The following PLAC9 variants were observed in gnomAD, a reference collection of about 807,000 sequenced individuals.
The protein encoded by PLAC9 is placenta-specific protein 9.
PLAC9 carries 12 observed loss-of-function variants against 11.5 expected under a neutral mutation model. The observed-to-expected ratio is 1.05, with a 90% CI of 0.67 to 1.69. The LOEUF (loss-of-function observed/expected upper bound fraction) is 1.69, where lower values mean the gene tolerates loss of function less well. Among genes scored for constraint, PLAC9 ranks in the 40% most tolerant of loss-of-function variants. The pLI, the probability that PLAC9 is intolerant of heterozygous loss-of-function variation, is 0.00. For missense variants in PLAC9, 132 were observed against 130.5 expected, an observed-to-expected ratio of 1.01 and a Z score of -0.06; for synonymous variants, 62 against 58.1, an observed-to-expected ratio of 1.07 and a Z score of -0.31.
chr10:80,144,311 G>C lies in PLAC9; in HGVS notation c.251G>C (p.Gly84Ala), dbSNP rs752070328. 4.3e-6 allele frequency: 7 copies of C among 1,611,380 alleles called. No homozygotes were observed. Among genetic ancestry groups the C allele is most frequent in the Non-Finnish European group, 5.1e-6 (6 of 1,179,872 alleles). ...GAGCTGGCCTGGAACCTGCCCCCGG[G>C]ACCCTTCAGCCCCGCTCCCGACCTT... ...LEELAWNLPP[G>A]PFSPAPDLLG... Residue 84 changes from glycine (G) to alanine (A), a missense_variant, in exon 3 of 4, where the codon GGA becomes GCA. By Grantham distance (60) the Gly-to-Ala change is moderately conservative (BLOSUM62 0). Coordinates refer to ENST00000372263, the MANE Select transcript of PLAC9 (RefSeq NM_001012973.3).
intron 1 of PLAC9, among the ~76,000 whole-genome samples, chr10:80,135,854 T>G (rs1005691223): frequency 2.6e-5 from 4 of 152,216 alleles, no homozygotes; most frequent in African/African-American, 9.6e-5. Context: ...AATTTATTAT[T>G]CTATTATGTT....
chr10:80,136,656 T>TTTTATTTATTTA (rs138774775), intron 1 of PLAC9, among the ~76,000 whole-genome samples: 25 of 146,518 alleles, frequency 1.7e-4, no homozygotes, highest in Admixed American at 5.5e-4. Context: ...TTAATTTTTA[T>TTTTATTTATTTA]TTTATTTATT....
chr10:80,138,138 T>G (rs759240784), intron 1 of PLAC9, among the ~76,000 whole-genome samples: 6 of 152,168 alleles, frequency 3.9e-5, no homozygotes, highest in Non-Finnish European at 7.4e-5. Flanking sequence ...TTTCAAATCG[T>G]GCACACAACA....
intron 1 of PLAC9, among the ~76,000 whole-genome samples, chr10:80,140,509 C>A (rs559499578): frequency 6.6e-6 from 1 of 152,202 alleles, no homozygotes; most frequent in Non-Finnish European, 1.5e-5. Flanking sequence ...ATCTGTAAAG[C>A]TCTTGGCTTC....
At chr10:80,138,951 C>CTTTTT (rs773767546) in intron 1 of PLAC9, among the ~76,000 whole-genome samples, 8 of 131,314 alleles carry the variant, frequency 6.1e-5, no homozygotes, top group African/African-American at 1.6e-4. Flanking sequence ...TGCAATATTC[C>CTTTTT]TTTTTTTTTT....
Position 80,145,111 on chromosome 10 carries a change from A to G in PLAC9, c.*201A>G. 1 of 735,004 alleles carries G rather than the reference A, an allele frequency of 1.4e-6. No homozygotes were observed. The allele number at this position is 735,004 out of a possible 1,614,324, so 45.5% of individuals were successfully genotyped here. A position where few individuals can be genotyped will look rare whatever the true frequency, so the allele number is the denominator to read the frequency against. On this transcript the variant is annotated 3_prime_UTR_variant, in exon 4 of 4. Transcript: ENST00000372263. Reference sequence around the variant, plus strand: ...CTTCCATGCCTGGAGGAAGCCTGCAACCCCCTCCAGGCTCAGACCTGGGGA... The same window carrying G: ...CTTCCATGCCTGGAGGAAGCCTGCAGCCCCCTCCAGGCTCAGACCTGGGGA...
chr10:80,144,497 C>T (rs1845078280), intron 3 of PLAC9, among the ~76,000 whole-genome samples, 154 bp downstream of exon 3: 1 of 152,084 alleles, frequency 6.6e-6, no homozygotes, highest in Non-Finnish European at 1.5e-5. Context: ...ACGGCATCAT[C>T]CCTGCTCCCC....
In PLAC9 at chr10:80,142,183, A is replaced by G. The variant is rs753967296; in HGVS notation, c.162+4A>G. On this transcript the variant is annotated splice_donor_region_variant and intron_variant, in intron 2 of 3. Coordinates refer to ENST00000372263, the MANE Select transcript of PLAC9 (RefSeq NM_001012973.3). ...CCGTCTAGATGTCATGGAGGAGGTA[A>G]CAGGGTGGTTTGGAAGGACATGCGA... The G allele has an allele frequency of 1.1e-5, 18 of 1,601,322 alleles. No homozygotes were observed. In the Admixed American group the frequency reaches 1.3e-4, roughly 12 times the overall value.
At chr10:80,134,804 C>G (rs1469524996) in intron 1 of PLAC9, among the ~76,000 whole-genome samples, 2 of 151,370 alleles carry the variant, frequency 1.3e-5, no homozygotes, top group Non-Finnish European at 2.9e-5. Context: ...TCTGTTAGAT[C>G]TCTTTAAATA....
intron 2 of PLAC9, among the ~76,000 whole-genome samples, chr10:80,142,794 C>T (rs898475727): frequency 1.3e-5 from 2 of 152,102 alleles, no homozygotes; most frequent in African/African-American, 4.8e-5. Context: ...TCTCGGCTCA[C>T]TGCAACTTCC....
In PLAC9 at chr10:80,134,266, T is replaced by A. The variant is rs1251857672; in HGVS notation, c.64+1440T>A. Among the ~76,000 whole-genome samples the A allele has an allele frequency of 1.4e-4, 12 of 87,524 alleles. No homozygotes were observed. The East Asian group carries it at 1.5e-3, about 11-fold the overall frequency. 57.4% of individuals were successfully genotyped at this position (87,524 alleles called of 152,430 possible). On this transcript the variant is annotated intron_variant, in intron 1 of 3. Transcript: ENST00000372263. ...TATATTTTCTTTCTTTCTTTCTTTC[T>A]TTTTTTTTTTTTTTTGAGACAGGAT... is the stretch of plus-strand genomic sequence containing the variant.
chr10:80,144,629 T>G (rs1324408216), intron 3 of PLAC9, among the ~76,000 whole-genome samples: 1 of 151,948 alleles, frequency 6.6e-6, no homozygotes, highest in Non-Finnish European at 1.5e-5. Flanking sequence ...GCCTCCTTCA[T>G]TAGCCTTCTC....
chr10:80,138,728 GCTCT>G (rs1379342751), intron 1 of PLAC9, among the ~76,000 whole-genome samples: 2 of 152,164 alleles, frequency 1.3e-5, no homozygotes, highest in African/African-American at 4.8e-5. Flanking sequence ...TCCATCATCA[GCTCT>G]GTCCTACCTC....
intron 2 of PLAC9, chr10:80,143,994 A>G (rs1182817464): frequency 7.1e-6 from 4 of 560,630 alleles, no homozygotes; most frequent in African/African-American, 5.7e-5. Context: ...TCTGTGACTA[A>G]GTGCCAAAAA....
chr10:80,132,908 G>GGA, intron 1 of PLAC9, 82 bp downstream of exon 1: 1 of 1,250,280 alleles, frequency 8.0e-7, no homozygotes, highest in Non-Finnish European at 1.1e-6. Flanking sequence ...CGAGAGAGAC[G>GGA]GAGAGAGAGC....
At chr10:80,143,078 C>T (rs960049029) in intron 2 of PLAC9, among the ~76,000 whole-genome samples, 1 of 151,446 alleles carries the variant, frequency 6.6e-6, no homozygotes, top group Non-Finnish European at 1.5e-5. Context: ...CTTGCCCTGT[C>T]ACCCAGGCTG....
At position 80,144,863 on chromosome 10, in the gene PLAC9, C is replaced by T. The variant is rs1385205595; in HGVS notation, c.284-37C>T. 3 of 1,556,678 alleles carry T rather than the reference C, an allele frequency of 1.9e-6. No homozygotes were observed. In the African/African-American group the frequency reaches 4.1e-5, roughly 21 times the overall value. On this transcript the variant is annotated intron_variant, in intron 3 of 3. Transcript: ENST00000372263. ...CACGGGGGCAGGTACTCTGCGGCAC[C>T]CCAGCTTGCTCACTGGGGGCCTCTG...
chr10:80,144,259 G>T lies in PLAC9; in HGVS notation c.199G>T (p.Val67Leu). 2.5e-6 allele frequency: 4 copies of T among 1,614,114 alleles called. No individual in the cohort carries two copies. The highest frequency in any genetic ancestry group is 8.5e-7 in the Non-Finnish European group (1 of 1,180,034). ...GACCGTGGATCACCTGGGGACAGAGGTGAAAGGCCTGCTGGGCCTGCTGGA... is the reference window on the plus strand; with the variant it reads ...GACCGTGGATCACCTGGGGACAGAGTTGAAAGGCCTGCTGGGCCTGCTGGA... ...EKTVDHLGTE[V>L]KGLLGLLEEL... The change falls in exon 3 of 4, where the codon GTG becomes TTG. Residue 67 changes from valine to leucine, a missense_variant. Coordinates refer to ENST00000372263, the MANE Select transcript of PLAC9 (RefSeq NM_001012973.3).
intron 1 of PLAC9, among the ~76,000 whole-genome samples, chr10:80,139,564 G>A (rs1845016828): frequency 6.6e-6 from 1 of 152,062 alleles, no homozygotes; most frequent in African/African-American, 2.4e-5. Flanking sequence ...TGTTGATGCC[G>A]GCTCATTCTG....
Sources: gnomAD v4.1 joint callset for allele counts (sites outside exome capture counted in the v4.1 genomes callset) on GRCh38, gnomAD v4.1.1 for gene constraint, MANE v1.5 for transcripts, NCBI Gene and HGNC (gene_info 2026-07-23, HGNC 2026-07-21) for gene names.